The following AGBL4 variants were observed in gnomAD, a reference collection of about 807,000 sequenced individuals.
The protein encoded by AGBL4 is cytosolic carboxypeptidase 6.
A neutral mutation model predicts 66.4 loss-of-function variants in AGBL4; 58 were observed. The observed-to-expected ratio is 0.87, with a 90% confidence interval of 0.71 to 1.09. The LOEUF is 1.09. Ranked by LOEUF, AGBL4 falls within the 50% of genes least tolerant of loss-of-function variation. AGBL4 has a pLI of 0.00. For synonymous variants in AGBL4, 234 were observed against 222.9 expected, an observed-to-expected ratio of 1.05 and a Z score of -0.44; for missense variants, 579 against 631.0, an observed-to-expected ratio of 0.92 and a Z score of 0.88.
At chr1:49,019,683 T>C (rs1663092638) in intron 5 of AGBL4, among the ~76,000 whole-genome samples, 1 of 152,224 alleles carries the variant, frequency 6.6e-6, no homozygotes. Context: ...TGTTTAGAAA[T>C]GTAACATGCT....
At chr1:49,948,180 CTATATATAAA>C (rs1415340958) in intron 1 of AGBL4, among the ~76,000 whole-genome samples, 37 of 82,422 alleles carry the variant, frequency 4.5e-4, no homozygotes, top group Admixed American at 1.4e-3. Context: ...ATATATATAA[CTATATATAAA>C]TATATATAAA....
intron 1 of AGBL4, among the ~76,000 whole-genome samples, chr1:49,859,630 T>C (rs915639137): frequency 4.6e-5 from 7 of 152,074 alleles, no homozygotes; most frequent in Non-Finnish European, 8.8e-5. Flanking sequence ...TAATATGTAA[T>C]TATGTATTTT....
chr1:49,429,924 A>T (rs566522303), intron 3 of AGBL4, among the ~76,000 whole-genome samples: 2 of 151,418 alleles, frequency 1.3e-5, no homozygotes, highest in Admixed American at 1.3e-4. Flanking sequence ...GGCTTACTAC[A>T]GCCTTAACCT....
rs1643919474 is a variant in AGBL4 at position 48,533,256 on chromosome 1, T to C, written c.*917A>G. 1 of 152,172 alleles carries C rather than the reference T, an allele frequency of 6.6e-6. No homozygotes were observed. The highest frequency in any genetic ancestry group is 2.4e-5 in the African/African-American group (1 of 41,432). 9.4% of individuals were successfully genotyped at this position (152,172 alleles called of 1,614,324 possible). ...GGACCCATTCATCATACAAAGGCAC[T>C]TTACTCTTCACAAAAATGCCAATAT... is the stretch of plus-strand genomic sequence containing the variant. On this transcript the variant is annotated 3_prime_UTR_variant, in exon 14 of 14. Coordinates refer to ENST00000371839, the MANE Select transcript of AGBL4 (RefSeq NM_032785.4).
chr1:49,782,968 C>G (rs937834452), intron 2 of AGBL4, among the ~76,000 whole-genome samples: 1 of 151,690 alleles, frequency 6.6e-6, no homozygotes. Context: ...ACAAAACAGA[C>G]TAAGACAGTG....
intron 6 of AGBL4, among the ~76,000 whole-genome samples, chr1:48,792,483 C>T (rs1645574527): frequency 6.6e-6 from 1 of 152,178 alleles, no homozygotes; most frequent in Non-Finnish European, 1.5e-5. Flanking sequence ...TTAATGAGTT[C>T]CCTGAGCTGT....
intron 2 of AGBL4, among the ~76,000 whole-genome samples, chr1:49,742,355 G>A (rs908549140): frequency 3.6e-4 from 55 of 151,992 alleles, no homozygotes; most frequent in African/African-American, 1.3e-3. Flanking sequence ...GGATGTGAAG[G>A]ACCTCTTCAA....
chr1:50,020,768 T>C (rs184900375), intron 1 of AGBL4, among the ~76,000 whole-genome samples: 203 of 152,180 alleles, frequency 1.3e-3, no homozygotes, highest in Non-Finnish European at 2.3e-3. Flanking sequence ...CCTTAAAGAG[T>C]TGTTATGAGA....
chr1:50,001,052 A>G (rs1364844618), intron 1 of AGBL4, among the ~76,000 whole-genome samples: 1 of 151,768 alleles, frequency 6.6e-6, no homozygotes, highest in African/African-American at 2.4e-5. Context: ...AAAATTAAAA[A>G]CATTTTAAAA....
chr1:49,824,315 T>C (rs1379246698), intron 2 of AGBL4, among the ~76,000 whole-genome samples: 1 of 152,066 alleles, frequency 6.6e-6, no homozygotes, highest in African/African-American at 2.4e-5. Context: ...GTACAGGATA[T>C]GGTTCTTGGG....
intron 5 of AGBL4, among the ~76,000 whole-genome samples, chr1:49,017,006 A>G (rs1475313180): frequency 6.6e-6 from 1 of 152,212 alleles, no homozygotes; most frequent in East Asian, 1.9e-4. Context: ...GGTCTTTCCA[A>G]TATATTACAC....
chr1:49,011,188 AAAAC>A (rs1480763928), intron 5 of AGBL4, among the ~76,000 whole-genome samples: 2 of 152,088 alleles, frequency 1.3e-5, no homozygotes, highest in African/African-American at 2.4e-5. Context: ...TTACAAGAAA[AAAAC>A]AAACAACCCC....
intron 2 of AGBL4, among the ~76,000 whole-genome samples, chr1:49,705,737 G>GT (rs569805129): frequency 0.014 from 2,008 of 147,598 alleles, 17 homozygotes; most frequent in South Asian, 0.019. Flanking sequence ...TTTATTGAGT[G>GT]TTTTTTTTTT....
intron 12 of AGBL4, among the ~76,000 whole-genome samples, chr1:48,535,461 G>C (rs1040348016): frequency 6.6e-6 from 1 of 152,196 alleles, no homozygotes; most frequent in South Asian, 2.1e-4. Flanking sequence ...TAAGTTTGAT[G>C]TGTACGCTTT....
intron 3 of AGBL4, among the ~76,000 whole-genome samples, chr1:49,256,389 T>C (rs897648833): frequency 6.6e-6 from 1 of 152,152 alleles, no homozygotes; most frequent in African/African-American, 2.4e-5. Context: ...TATATCTATA[T>C]ACTAACAGTA....
chr1:48,907,619 G>A (rs1054494696), intron 5 of AGBL4, among the ~76,000 whole-genome samples: 6 of 152,154 alleles, frequency 3.9e-5, no homozygotes, highest in Non-Finnish European at 5.9e-5. Context: ...TCCTCACCCT[G>A]AAATGATTCA....
downstream of AGBL4, among the ~76,000 whole-genome samples, chr1:48,528,351 C>A (rs1321718525): frequency 2.6e-5 from 4 of 152,040 alleles, no homozygotes; most frequent in East Asian, 7.7e-4. Flanking sequence ...AGAATATTAA[C>A]CAAGGCAGCT....
chr1:49,187,874 T>G (rs1647042929), intron 4 of AGBL4, among the ~76,000 whole-genome samples: 1 of 152,096 alleles, frequency 6.6e-6, no homozygotes, highest in Non-Finnish European at 1.5e-5. Flanking sequence ...AAATTGTAAC[T>G]CCCACAATTC....
chr1:49,438,709 C>G (rs565379857), intron 3 of AGBL4, among the ~76,000 whole-genome samples: 1 of 152,286 alleles, frequency 6.6e-6, no homozygotes, highest in South Asian at 2.1e-4. Context: ...CCTTGAGACT[C>G]TCACACACTA....
Sources: gnomAD v4.1 joint callset for allele counts (sites outside exome capture counted in the v4.1 genomes callset) on GRCh38, gnomAD v4.1.1 for gene constraint, MANE v1.5 for transcripts, NCBI Gene and HGNC (gene_info 2026-07-23, HGNC 2026-07-21) for gene names.